Variants in IL1RAPL1 observed in about 807,000 individuals in gnomAD.
The protein encoded by IL1RAPL1 is interleukin 1 receptor accessory protein like 1.
In IL1RAPL1, 3 loss-of-function variants were observed where a neutral mutation model predicts 48.4. The ratio of observed to expected loss-of-function variants is 0.06; its 90% CI spans 0.03 to 0.16. The LOEUF (loss-of-function observed/expected upper bound fraction) is 0.16. Ranked by LOEUF, IL1RAPL1 falls within the 10% of genes least tolerant of loss-of-function variation. The pLI is 1.00. For missense variants in IL1RAPL1, 349 were observed against 530.6 expected (o/e 0.66, Z 3.36); for synonymous variants, 185 against 187.7 (o/e 0.99, Z 0.12).
intron 3 of IL1RAPL1, among the ~76,000 whole-genome samples, chrX:29,295,498 A>G (rs1161849840): frequency 8.9e-6 from 1 of 112,034 alleles, no homozygotes; most frequent in Non-Finnish European, 1.9e-5. Context: ...TGCATCTCTT[A>G]TTACACATAT....
At chrX:29,838,650 A>T (rs937372132) in intron 6 of IL1RAPL1, among the ~76,000 whole-genome samples, 1 of 112,130 alleles carries the variant, frequency 8.9e-6, no homozygotes, top group African/African-American at 3.2e-5. Context: ...TGATATGAAC[A>T]TGGCCCTTGG....
intron 2 of IL1RAPL1, among the ~76,000 whole-genome samples, chrX:28,835,815 A>G (rs1248827809): frequency 4.5e-5 from 5 of 111,407 alleles, no homozygotes; most frequent in African/African-American, 1.6e-4. Context: ...GTTCATTTAT[A>G]CTTTCTGAAC....
Position 28,931,902 on chromosome X carries a change from C to T in IL1RAPL1, c.82+142477C>T, listed in dbSNP as rs777780203. Among the ~76,000 whole-genome samples the T allele has an allele frequency of 3.0e-3, 322 of 108,133 alleles. 3 individuals carry two copies. Among genetic ancestry groups the T allele is most frequent in the African/African-American group, 9.8e-3 (291 of 29,739 alleles). 93.9% of individuals were successfully genotyped at this position (108,133 alleles called of 115,157 possible). A position where few individuals can be genotyped will look rare whatever the true frequency, so the allele number is the denominator to read the frequency against. On this transcript the variant is annotated intron_variant, in intron 2 of 10. Coordinates refer to ENST00000378993, the MANE Select transcript of IL1RAPL1 (RefSeq NM_014271.4). ...AATACAAAAAAAAAAATTAGCTGGG[C>T]GTGGTGGTGGGCACCTGTAGTCCCA...
chrX:29,943,174 CTTAAGTTT>C (rs950591348), intron 9 of IL1RAPL1, among the ~76,000 whole-genome samples: 4 of 111,895 alleles, frequency 3.6e-5, no homozygotes, highest in African/African-American at 9.7e-5. Context: ...CTTTCTTTTT[CTTAAGTTT>C]TTAATTGCTG....
At chrX:28,817,128 A>G (rs1416710320) in intron 2 of IL1RAPL1, among the ~76,000 whole-genome samples, 1 of 110,991 alleles carries the variant, frequency 9.0e-6, no homozygotes, top group Non-Finnish European at 1.9e-5. Context: ...TCTTCATGAA[A>G]CTTATAACCT....
At chrX:29,131,274 G>GTGTATA (rs1555967264) in intron 2 of IL1RAPL1, among the ~76,000 whole-genome samples, 6 of 103,998 alleles carry the variant, frequency 5.8e-5, no homozygotes, top group East Asian at 3.0e-4. Context: ...GTGTGTGTGT[G>GTGTATA]TATATATATA....
In IL1RAPL1 at chrX:28,684,921, G is replaced by T. The variant is rs960504735; in HGVS notation, c.-25+96874G>T. ...ATTAACTACGTTATAACCTTAAAAT[G>T]AGTCATTTCATGAGTCTCCAAAGGC... is the stretch of plus-strand genomic sequence containing the variant. On this transcript the variant is annotated intron_variant, in intron 1 of 10. Transcript: ENST00000378993. Among the ~76,000 whole-genome samples the T allele has an allele frequency of 3.6e-5, 4 of 111,679 alleles. No homozygotes were observed. In the East Asian group the frequency reaches 1.1e-3, roughly 31 times the overall value.
intron 5 of IL1RAPL1, among the ~76,000 whole-genome samples, chrX:29,654,884 T>A (rs1187138249): frequency 1.8e-5 from 2 of 112,241 alleles, no homozygotes; most frequent in African/African-American, 3.2e-5. Flanking sequence ...CTAAAGAACA[T>A]CTCTAATATT....
chrX:29,601,431 G>C (rs927498715), intron 5 of IL1RAPL1, among the ~76,000 whole-genome samples: 3 of 111,075 alleles, frequency 2.7e-5, no homozygotes, highest in Non-Finnish European at 5.7e-5. Flanking sequence ...GTATACTTTG[G>C]CTTTTTAGTA....
intron 3 of IL1RAPL1, among the ~76,000 whole-genome samples, chrX:29,366,425 A>G (rs1309332315): frequency 9.0e-6 from 1 of 110,955 alleles, no homozygotes; most frequent in East Asian, 2.8e-4. Flanking sequence ...TGCAAATGCT[A>G]AAGAGAAGAT....
At chrX:29,573,034 C>T (rs1922644354) in intron 5 of IL1RAPL1, among the ~76,000 whole-genome samples, 1 of 112,210 alleles carries the variant, frequency 8.9e-6, no homozygotes, top group Admixed American at 9.4e-5. Flanking sequence ...GCTGGGAAGT[C>T]CAAGATCAAG....
intron 1 of IL1RAPL1, among the ~76,000 whole-genome samples, chrX:28,718,465 A>G (rs1012917114): frequency 8.1e-5 from 9 of 111,691 alleles, no homozygotes; most frequent in African/African-American, 2.9e-4. Flanking sequence ...GTGAATTTCT[A>G]TGAACTGTGG....
intron 2 of IL1RAPL1, among the ~76,000 whole-genome samples, chrX:28,908,120 A>G (rs1923266989): frequency 9.0e-6 from 1 of 111,408 alleles, no homozygotes. Flanking sequence ...CTTGGCTAGC[A>G]TGGCTAGTGG....
chrX:29,431,423 A>T (rs745636467), intron 5 of IL1RAPL1, among the ~76,000 whole-genome samples: 2 of 112,060 alleles, frequency 1.8e-5, no homozygotes, highest in Admixed American at 9.5e-5. Flanking sequence ...TGTTTAGTAG[A>T]TTTCTTGTGC....
chrX:29,006,586 G>T (rs1429958620), intron 2 of IL1RAPL1, among the ~76,000 whole-genome samples: 1 of 107,162 alleles, frequency 9.3e-6, no homozygotes, highest in Non-Finnish European at 1.9e-5. Context: ...CAATCTCTGG[G>T]TTCTGGTATC....
intron 6 of IL1RAPL1, among the ~76,000 whole-genome samples, chrX:29,843,357 A>G (rs949621828): frequency 8.9e-6 from 1 of 112,142 alleles, no homozygotes; most frequent in Non-Finnish European, 1.9e-5. Context: ...TTGGAAATCT[A>G]TTGGAAAATA....
intron 2 of IL1RAPL1, among the ~76,000 whole-genome samples, chrX:29,034,654 T>C (rs1230805496): frequency 1.8e-5 from 2 of 111,368 alleles, no homozygotes; most frequent in African/African-American, 6.5e-5. Context: ...ACAAAATAAG[T>C]TAGGAATTCA....
intron 8 of IL1RAPL1, among the ~76,000 whole-genome samples, chrX:29,920,310 A>C (rs1490179033): frequency 9.0e-6 from 1 of 111,530 alleles, no homozygotes; most frequent in African/African-American, 3.3e-5. Flanking sequence ...GCTTTTCTTT[A>C]ATACCAACTG....
At chrX:28,678,310 G>T (rs1935022021) in intron 1 of IL1RAPL1, among the ~76,000 whole-genome samples, 1 of 111,033 alleles carries the variant, frequency 9.0e-6, no homozygotes, top group African/African-American at 3.3e-5. Context: ...ATCTGTATCT[G>T]TAATTCCTCC....
Sources: allele counts gnomAD v4.1 joint callset (sites outside exome capture counted in the v4.1 genomes callset), GRCh38; gene constraint gnomAD v4.1.1; transcripts MANE v1.5; gene names NCBI Gene and HGNC (gene_info 2026-07-23, HGNC 2026-07-21).